The following DPP10 variants were observed in gnomAD, a reference collection of about 807,000 sequenced individuals.
The protein encoded by DPP10 is dipeptidyl peptidase like 10, also known as inactive dipeptidyl peptidase 10.
A neutral mutation model predicts 120.9 loss-of-function variants in DPP10; 33 were observed. The observed-to-expected ratio is 0.27, with a 90% CI of 0.21 to 0.37. The LOEUF (loss-of-function observed/expected upper bound fraction) is 0.37. Ranked by LOEUF, DPP10 falls within the 10% of genes least tolerant of loss-of-function variation. The pLI is 1.00. For missense variants in DPP10, 816 were observed against 942.8 expected (o/e 0.87, Z 1.76); for synonymous variants, 337 against 326.1 (o/e 1.03, Z -0.36).
chr2:115,333,995 G>C (rs531930156), intron 2 of DPP10, among the ~76,000 whole-genome samples: 84 of 151,872 alleles, frequency 5.5e-4, no homozygotes, highest in Non-Finnish European at 1.0e-3. Flanking sequence ...GGGACTATGT[G>C]AAAAGATCAA....
chr2:115,695,072 C>T (rs1179874996), intron 7 of DPP10, among the ~76,000 whole-genome samples: 1 of 152,148 alleles, frequency 6.6e-6, no homozygotes, highest in Non-Finnish European at 1.5e-5. Flanking sequence ...AAGGCCAGTG[C>T]CCTTTCCTAC....
chr2:114,761,764 A>G (rs1452659354), intron 1 of DPP10, among the ~76,000 whole-genome samples: 2 of 152,148 alleles, frequency 1.3e-5, no homozygotes, highest in African/African-American at 2.4e-5. Flanking sequence ...ACCACTGCAG[A>G]CACTTCCCAC....
chr2:115,473,163 G>A (rs552631263), intron 3 of DPP10, among the ~76,000 whole-genome samples: 1 of 152,262 alleles, frequency 6.6e-6, no homozygotes, highest in African/African-American at 2.4e-5. Flanking sequence ...ATCAGAATTA[G>A]CATTGTAATA....
chr2:114,824,181 A>G (rs1476628517), intron 1 of DPP10, among the ~76,000 whole-genome samples: 14 of 152,208 alleles, frequency 9.2e-5, no homozygotes, highest in African/African-American at 1.4e-4. Flanking sequence ...GATGAGCTCA[A>G]ATCAGTCTGT....
chr2:115,706,864 T>C (rs1476386964), intron 7 of DPP10, among the ~76,000 whole-genome samples: 1 of 152,024 alleles, frequency 6.6e-6, no homozygotes, highest in Non-Finnish European at 1.5e-5. Context: ...AAGGGAACTG[T>C]GGTCTGCATT....
intron 1 of DPP10, among the ~76,000 whole-genome samples, chr2:114,909,925 C>A (rs990110441): frequency 2.0e-5 from 3 of 151,862 alleles, no homozygotes; most frequent in African/African-American, 7.2e-5. Flanking sequence ...ACGTAATGAA[C>A]TACAGACTCA....
chr2:114,752,540 A>G (rs1020484903), intron 1 of DPP10, among the ~76,000 whole-genome samples: 17 of 152,172 alleles, frequency 1.1e-4, no homozygotes, highest in African/African-American at 4.1e-4. Context: ...TACAGTAAAG[A>G]TATCAGTTTG....
intron 1 of DPP10, among the ~76,000 whole-genome samples, chr2:115,298,000 G>C (rs2060966062): frequency 6.6e-6 from 1 of 152,152 alleles, no homozygotes; most frequent in East Asian, 1.9e-4. Flanking sequence ...TTGAGATGCA[G>C]ATAGCTAGTT....
At chr2:115,805,897 T>C (rs1370787882) in intron 19 of DPP10, among the ~76,000 whole-genome samples, 2 of 152,094 alleles carry the variant, frequency 1.3e-5, no homozygotes, top group East Asian at 1.9e-4. Context: ...TCATAAGAAC[T>C]TGTACTCTCA....
At chr2:115,380,119 G>T (rs996964676) in intron 3 of DPP10, among the ~76,000 whole-genome samples, 1 of 152,132 alleles carries the variant, frequency 6.6e-6, no homozygotes, top group African/African-American at 2.4e-5. Context: ...TTGACTTTCT[G>T]TCTCGTTGAT....
intron 21 of DPP10, among the ~76,000 whole-genome samples, chr2:115,816,977 G>C (rs372480047): frequency 6.6e-6 from 1 of 150,790 alleles, no homozygotes; most frequent in Non-Finnish European, 1.5e-5. Context: ...GGCCAGGCGC[G>C]GTGGCTCACG....
chr2:115,586,549 G>T (rs1242584101), intron 5 of DPP10, among the ~76,000 whole-genome samples: 2 of 152,132 alleles, frequency 1.3e-5, no homozygotes, highest in South Asian at 4.1e-4. Context: ...TGTTTCTTCT[G>T]TATTTCATTC....
At chr2:114,789,910 C>G (rs570179836) in intron 1 of DPP10, among the ~76,000 whole-genome samples, 4 of 152,176 alleles carry the variant, frequency 2.6e-5, no homozygotes, top group Non-Finnish European at 5.9e-5. Flanking sequence ...ATGTTCTTGA[C>G]ATTATGAAAT....
intron 3 of DPP10, among the ~76,000 whole-genome samples, chr2:115,465,584 A>G (rs1467708193): frequency 6.6e-6 from 1 of 152,144 alleles, no homozygotes; most frequent in Non-Finnish European, 1.5e-5. Context: ...GTACTTTGGG[A>G]GGCCAAGGCA....
intron 1 of DPP10, among the ~76,000 whole-genome samples, chr2:114,675,808 T>C (rs1388068981): frequency 2.0e-5 from 1 of 49,882 alleles, no homozygotes; most frequent in Non-Finnish European, 4.2e-5. Flanking sequence ...TCTTTAATAA[T>C]TTTTTTTTTT....
At chr2:115,260,348 G>A (rs879650614) in intron 1 of DPP10, among the ~76,000 whole-genome samples, 1 of 151,990 alleles carries the variant, frequency 6.6e-6, no homozygotes, top group Non-Finnish European at 1.5e-5. Context: ...TTCTTTCATG[G>A]CATGAAAGTT....
At chr2:114,500,768 T>A (rs1683089318) in intron 1 of DPP10, among the ~76,000 whole-genome samples, 1 of 152,208 alleles carries the variant, frequency 6.6e-6, no homozygotes, top group African/African-American at 2.4e-5. Flanking sequence ...TCATTGAATC[T>A]GAAACACTGT....
chr2:115,016,102 C>A (rs1393320393), intron 1 of DPP10, among the ~76,000 whole-genome samples: 1 of 152,168 alleles, frequency 6.6e-6, no homozygotes, highest in Admixed American at 6.5e-5. Flanking sequence ...TCAAACTATA[C>A]TACAAGGCTA....
chr2:115,812,377 A>C (rs984294276), intron 19 of DPP10, among the ~76,000 whole-genome samples: 1 of 152,200 alleles, frequency 6.6e-6, no homozygotes, highest in East Asian at 1.9e-4. Context: ...GCTGTGTCCT[A>C]TGCATACTAG....
Sources: allele counts gnomAD v4.1 joint callset (sites outside exome capture counted in the v4.1 genomes callset), GRCh38; gene constraint gnomAD v4.1.1; transcripts MANE v1.5; gene names NCBI Gene and HGNC (gene_info 2026-07-23, HGNC 2026-07-21).